ITPR1: variants seen among roughly 807,000 people sequenced by gnomAD.
ITPR1 encodes the protein inositol 1,4,5-trisphosphate-gated calcium channel ITPR1.
Under a neutral mutation model 318.4 loss-of-function variants are expected in ITPR1, and 96 were observed. The ratio of observed to expected loss-of-function variants is 0.30; its 90% CI spans 0.26 to 0.36. ITPR1 has a LOEUF of 0.36. Among genes scored for constraint, ITPR1 ranks in the 10% least tolerant of loss-of-function variants. ITPR1 has a pLI of 1.00. For synonymous variants in ITPR1, 1,312 were observed against 1,289.9 expected (o/e 1.02, Z -0.37); for missense variants, 2,440 against 3,460.2 (o/e 0.71, Z 7.40).
chr3:4,805,996 T>C, intron 54 of ITPR1, 107 bp from the exon 55 acceptor site: 1 of 964,730 alleles, frequency 1.0e-6, no homozygotes, highest in Non-Finnish European at 1.5e-6. Context: ...AGGAAGCGTT[T>C]GTTTGGGCAC....
chr3:4,693,441 C>A, intron 32 of ITPR1, 49 bp from the exon 33 acceptor site: 1 of 1,589,366 alleles, frequency 6.3e-7, no homozygotes, highest in Non-Finnish European at 8.6e-7. Context: ...TTTCATGCTG[C>A]CCCACCCCTG....
chr3:4,547,596 T>C (rs2085147531), intron 4 of ITPR1, among the ~76,000 whole-genome samples: 1 of 152,224 alleles, frequency 6.6e-6, no homozygotes, highest in Non-Finnish European at 1.5e-5. Context: ...GGCTTTACCA[T>C]TTATTACACG....
chr3:4,843,073 G>GT (rs1239276073), intron 61 of ITPR1, among the ~76,000 whole-genome samples: 63 of 120,018 alleles, frequency 5.2e-4, no homozygotes, highest in Middle Eastern at 3.8e-3. Flanking sequence ...GGTTTTGAGG[G>GT]GTTTTTTTTT....
chr3:4,721,612 C>T (rs1280972842), intron 40 of ITPR1, among the ~76,000 whole-genome samples: 1 of 152,074 alleles, frequency 6.6e-6, no homozygotes, highest in African/African-American at 2.4e-5. Context: ...AAGACTGATT[C>T]GAGCGGCTGG....
At position 4,744,565 on chromosome 3, in the gene ITPR1, G is replaced by T. The variant is rs530247067; in HGVS notation, c.5544+9211G>T. Among the ~76,000 whole-genome samples, 15 of 152,290 alleles carry T rather than the reference G, an allele frequency of 9.8e-5. 1 individual carries two copies. In the South Asian group the frequency reaches 2.5e-3, roughly 25 times the overall value. On this transcript the variant is annotated intron_variant, in intron 44 of 61. Transcript: ENST00000649015. Reference sequence around the variant, plus strand: ...GTCCTAACTGCTTTCCTGCTTCAGGGGCAGAGTTGAGTAGTTGTGACAGAT... The same window carrying T: ...GTCCTAACTGCTTTCCTGCTTCAGGTGCAGAGTTGAGTAGTTGTGACAGAT...
At chr3:4,562,087 TTAAATAAATAAA>T (rs35311121) in intron 4 of ITPR1, among the ~76,000 whole-genome samples, 1 of 148,906 alleles carries the variant, frequency 6.7e-6, no homozygotes, top group Non-Finnish European at 1.5e-5. Flanking sequence ...GCTTATGAGC[TTAAATAAATAAA>T]TAAATAAATA....
intron 10 of ITPR1, among the ~76,000 whole-genome samples, chr3:4,649,151 G>A (rs2093535218): frequency 6.6e-6 from 1 of 152,148 alleles, no homozygotes; most frequent in South Asian, 2.1e-4. Context: ...GCAAACTAAG[G>A]AAACATAGAA....
chr3:4,576,948 C>T (rs2088729413), intron 4 of ITPR1, among the ~76,000 whole-genome samples: 1 of 152,172 alleles, frequency 6.6e-6, no homozygotes, highest in African/African-American at 2.4e-5. Context: ...TTAAGCACCT[C>T]CTCTAAACAC....
rs762093242 is a variant in ITPR1, at chr3:4,706,125, C to A, written c.4658-42C>A. 13 of 1,609,446 alleles carry A rather than the reference C, an allele frequency of 8.1e-6. No individual in the cohort carries two copies. The African/African-American group carries it at 1.6e-4, about 20-fold the overall frequency. On this transcript the variant is annotated intron_variant, in intron 36 of 61. Transcript: ENST00000649015. ...TTACGTCCATCTGTAGGGTGTCCCC[C>A]ATAAAAGTTGTAGGCTCACGACTCA...
chr3:4,757,034 A>G (rs1056623199), intron 44 of ITPR1, among the ~76,000 whole-genome samples: 1 of 152,208 alleles, frequency 6.6e-6, no homozygotes, highest in African/African-American at 2.4e-5. Context: ...TAAGACCCTC[A>G]TTTTTTAGCT....
chr3:4,552,558 C>T (rs147208619), intron 4 of ITPR1, among the ~76,000 whole-genome samples: 216 of 152,260 alleles, frequency 1.4e-3, no homozygotes, highest in African/African-American at 5.1e-3. Context: ...GGAGTTGGGG[C>T]CCACTATCCT....
Position 4,720,553 on chromosome 3 carries a change from G to A in ITPR1, c.5136+3154G>A, listed in dbSNP as rs1362718373. ...TTTAGAAAGCAGGTACTGTGGTTCAGTGGACGTGTCTGTTTCTACGTATTT... is the reference window on the plus strand; with the variant it reads ...TTTAGAAAGCAGGTACTGTGGTTCAATGGACGTGTCTGTTTCTACGTATTT... On this transcript the variant is annotated intron_variant, in intron 40 of 61. Transcript: ENST00000649015. Among the ~76,000 whole-genome samples, 3 of 152,220 alleles carry A rather than the reference G, an allele frequency of 2.0e-5. No homozygotes were observed. In the East Asian group the frequency reaches 5.8e-4, roughly 29 times the overall value.
At chr3:4,580,174 C>T (rs1010345317) in intron 4 of ITPR1, among the ~76,000 whole-genome samples, 1 of 152,084 alleles carries the variant, frequency 6.6e-6, no homozygotes, top group Non-Finnish European at 1.5e-5. Context: ...CATGCCACTC[C>T]ACTCCATCCT....
chr3:4,680,321 A>T (rs1268982453), intron 24 of ITPR1, among the ~76,000 whole-genome samples: 1 of 152,184 alleles, frequency 6.6e-6, no homozygotes, highest in Non-Finnish European at 1.5e-5. Flanking sequence ...AATTGCCAGG[A>T]TGCTGAAGCT....
Position 4,654,004 on chromosome 3 carries a change from G to T in ITPR1, c.996+118G>T, listed in dbSNP as rs529039149. ...GAGTGCTGGGGAAGGAGGAACCTTA[G>T]GCTCCCTTAAAACACGATCATGTTC... is the stretch of plus-strand genomic sequence containing the variant. On this transcript the variant is annotated intron_variant, in intron 12 of 61. Coordinates refer to ENST00000649015, the MANE Select transcript of ITPR1 (RefSeq NM_001378452.1). 45 of 682,564 alleles carry T rather than the reference G, an allele frequency of 6.6e-5. No homozygotes were observed. In the African/African-American group the frequency reaches 6.7e-4, roughly 10 times the overall value. The allele number at this position is 682,564 out of a possible 1,614,324, so 42.3% of individuals were successfully genotyped here.
At chr3:4,539,966 G>A (rs1361279391) in intron 4 of ITPR1, among the ~76,000 whole-genome samples, 1 of 136,570 alleles carries the variant, frequency 7.3e-6, no homozygotes, top group Non-Finnish European at 1.5e-5. Flanking sequence ...TATAAGCAAT[G>A]GAAAGCAGAC....
intron 42 of ITPR1, among the ~76,000 whole-genome samples, chr3:4,731,959 T>A (rs559380475): frequency 6.6e-6 from 1 of 152,336 alleles, no homozygotes; most frequent in South Asian, 2.1e-4. Context: ...TTCAACACCT[T>A]TCCTCTCGGC....
At chr3:4,576,754 A>C (rs1372530060) in intron 4 of ITPR1, among the ~76,000 whole-genome samples, 1 of 152,192 alleles carries the variant, frequency 6.6e-6, no homozygotes, top group Non-Finnish European at 1.5e-5. Flanking sequence ...TAATTCTTGA[A>C]TAATTTGCAC....
In ITPR1 at chr3:4,675,062, C is replaced by T; in HGVS notation, c.2599-6C>T. On this transcript the variant is annotated splice_polypyrimidine_tract_variant and splice_region_variant and intron_variant, in intron 22 of 61. Coordinates refer to ENST00000649015, the MANE Select transcript of ITPR1 (RefSeq NM_001378452.1). Reference sequence around the variant, plus strand: ...ACCGTCTTCTTCTTTTATTTTAATACAATAGGTTGTAAATTTAGCTAGGAA... The same window carrying T: ...ACCGTCTTCTTCTTTTATTTTAATATAATAGGTTGTAAATTTAGCTAGGAA... 2 of 1,471,048 alleles carry T rather than the reference C, an allele frequency of 1.4e-6. No individual in the cohort carries two copies. Among genetic ancestry groups the T allele is most frequent in the South Asian group, 1.2e-5 (1 of 86,562 alleles). 91.1% of individuals were successfully genotyped at this position (1,471,048 alleles called of 1,614,324 possible).
Sources: gnomAD v4.1 joint callset for allele counts (sites outside exome capture counted in the v4.1 genomes callset) on GRCh38, gnomAD v4.1.1 for gene constraint, MANE v1.5 for transcripts, NCBI Gene and HGNC (gene_info 2026-07-23, HGNC 2026-07-21) for gene names.